The following SGK1 variants were observed in gnomAD, a reference collection of about 807,000 sequenced individuals.
SGK1 encodes the protein serum/glucocorticoid regulated kinase 1, also known as serine/threonine-protein kinase Sgk1.
SGK1 carries 26 observed loss-of-function variants against 64.2 expected under a neutral mutation model. The observed-to-expected ratio is 0.40, with a 90% CI of 0.30 to 0.56. SGK1 has a LOEUF of 0.56. SGK1 is among the 20% of genes least tolerant of loss of function. The pLI is 0.38. For missense variants in SGK1, 519 were observed against 645.6 expected (o/e 0.80, Z 2.12); for synonymous variants, 265 against 239.7 (o/e 1.11, Z -0.98).
chr6:134,241,044 T>C (rs973183713), intron 2 of SGK1, among the ~76,000 whole-genome samples: 5 of 27,518 alleles, frequency 1.8e-4, no homozygotes, highest in African/African-American at 2.8e-4. Flanking sequence ...TCTTTTCTTT[T>C]TTTCTTTTTT....
At chr6:134,274,814 C>CTTTTT (rs1195078572) in intron 1 of SGK1, among the ~76,000 whole-genome samples, 5 of 150,936 alleles carry the variant, frequency 3.3e-5, no homozygotes, top group Admixed American at 2.6e-4. Flanking sequence ...CTTTTCTTTT[C>CTTTTT]TTTTCTTTTG....
Position 134,317,749 on chromosome 6 carries a change from A to G in SGK1, c.-289T>C, listed in dbSNP as rs930697534. The G allele has an allele frequency of 5.9e-5, 20 of 340,840 alleles. No homozygotes were observed. Among genetic ancestry groups the G allele is most frequent in the Admixed American group, 9.3e-5 (2 of 21,424 alleles). 21.1% of individuals were successfully genotyped at this position (340,840 alleles called of 1,614,324 possible). A position where few individuals can be genotyped will look rare whatever the true frequency, so the allele number is the denominator to read the frequency against. On this transcript the variant is annotated 5_prime_UTR_variant, in exon 1 of 14. Transcript: ENST00000367858. ...GGGGCCGGACGGTGGGATACGGCCA[A>G]TCTCCGGGGAGATGCTGTGGCTCTT... is the stretch of plus-strand genomic sequence containing the variant.
intron 3 of SGK1, chr6:134,176,083 C>T: frequency 7.0e-6 from 5 of 715,712 alleles, no homozygotes; most frequent in Non-Finnish European, 8.6e-6. Context: ...CTCTGCCATG[C>T]CAAGAACACG....
intron 1 of SGK1, among the ~76,000 whole-genome samples, chr6:134,276,025 A>G (rs1274534578): frequency 6.6e-6 from 1 of 152,224 alleles, no homozygotes; most frequent in Non-Finnish European, 1.5e-5. Context: ...TATATTCAGT[A>G]GTGGGACATT....
At chr6:134,214,523 G>A (rs901457586) in intron 2 of SGK1, among the ~76,000 whole-genome samples, 18 of 151,866 alleles carry the variant, frequency 1.2e-4, no homozygotes, top group East Asian at 7.7e-4. Context: ...CCTGGGAGGC[G>A]GATGTTGCAG....
At chr6:134,171,313 T>C in intron 11 of SGK1, 135 bp from the exon 12 acceptor site, 1 of 843,194 alleles carries the variant, frequency 1.2e-6, no homozygotes, top group Non-Finnish European at 1.9e-6. Context: ...AATGCTTTCT[T>C]TTCCCTTGCT....
intron 2 of SGK1, among the ~76,000 whole-genome samples, chr6:134,216,844 C>A (rs1349643752): frequency 1.3e-5 from 2 of 152,038 alleles, no homozygotes; most frequent in Non-Finnish European, 1.5e-5. Flanking sequence ...GGTGAGGAGG[C>A]GGTAGAAGGG....
At chr6:134,274,808 T>A (rs1340105279) in intron 1 of SGK1, among the ~76,000 whole-genome samples, 1 of 152,060 alleles carries the variant, frequency 6.6e-6, no homozygotes, top group African/African-American at 2.4e-5. Flanking sequence ...TCTTTTCTTT[T>A]CTTTTCTTTT....
intron 1 of SGK1, among the ~76,000 whole-genome samples, chr6:134,263,363 A>C (rs1202249719): frequency 6.6e-6 from 1 of 151,438 alleles, no homozygotes; most frequent in Non-Finnish European, 1.5e-5. Context: ...CAGCCTCTGG[A>C]GTAGCTGAGA....
At position 134,173,316 on chromosome 6, in the gene SGK1, T is replaced by G. The variant is rs769905610; in HGVS notation, c.660A>C (p.Ala220=). Residue 220 remains alanine (A), a synonymous_variant, in exon 7 of 14, where the codon GCA becomes GCC. Coordinates refer to ENST00000367858, the MANE Select transcript of SGK1 (RefSeq NM_001143676.3). ...TTGCTTTCTTCTGTAAAACTTTGAC[T>G]GCATAGAACACTTCTTCTGCCTTGT... ...ARHKAEEVFY[A]VKVLQKKAIL... is the part of the protein sequence containing the mutation. 1 of 1,613,956 alleles carries G rather than the reference T, an allele frequency of 6.2e-7. No individual in the cohort carries two copies. Among genetic ancestry groups the G allele is most frequent in the South Asian group, 1.1e-5 (1 of 91,070 alleles).
rs563512226 is a variant in SGK1 at position 134,255,548 on chromosome 6, AAAAC to A, written c.285+6381_285+6384del. On this transcript the variant is annotated intron_variant, in intron 2 of 13. Transcript: ENST00000367858. ...GGTGACAGAGTGAGACTCTGTCTCA[AAAAC>A]AAACAAAGGCAAGAGATTTTGATTT... Among the ~76,000 whole-genome samples the A allele has an allele frequency of 4.6e-5, 7 of 151,620 alleles. No individual in the cohort carries two copies. In the South Asian group the frequency reaches 1.5e-3, roughly 32 times the overall value.
intron 2 of SGK1, among the ~76,000 whole-genome samples, chr6:134,208,736 C>T (rs986214626): frequency 9.8e-5 from 14 of 142,600 alleles, no homozygotes; most frequent in African/African-American, 3.6e-4. Flanking sequence ...GGGTAGTATT[C>T]CATGTATGCG....
At chr6:134,259,694 G>A (rs920805740) in intron 2 of SGK1, 1 of 152,162 alleles carries the variant, frequency 6.6e-6, no homozygotes, top group African/African-American at 2.4e-5. Context: ...ATAGAAGTTA[G>A]AGACTGTATT....
At chr6:134,227,610 A>G (rs1776205336) in intron 2 of SGK1, among the ~76,000 whole-genome samples, 1 of 152,234 alleles carries the variant, frequency 6.6e-6, no homozygotes, top group African/African-American at 2.4e-5. Flanking sequence ...AAGGAAAAGC[A>G]TGTTGTCCTA....
chr6:134,215,317 T>C (rs1158345451), intron 2 of SGK1, among the ~76,000 whole-genome samples: 2 of 151,684 alleles, frequency 1.3e-5, no homozygotes, highest in Admixed American at 6.6e-5. Flanking sequence ...GGTTTCACCA[T>C]GTTGGCCAGG....
chr6:134,203,912 G>A (rs753502393), intron 3 of SGK1, among the ~76,000 whole-genome samples: 1 of 151,780 alleles, frequency 6.6e-6, no homozygotes, highest in African/African-American at 2.4e-5. Context: ...AAAAATACAA[G>A]AATTAGCTGG....
intron 1 of SGK1, among the ~76,000 whole-genome samples, chr6:134,314,512 G>T (rs1044230707): frequency 6.6e-6 from 1 of 152,156 alleles, no homozygotes; most frequent in Non-Finnish European, 1.5e-5. Context: ...TGGGCGAATG[G>T]TTTAATCTCT....
chr6:134,204,817 G>A (rs112695189), intron 3 of SGK1, among the ~76,000 whole-genome samples: 259 of 152,260 alleles, frequency 1.7e-3, no homozygotes, highest in African/African-American at 6.0e-3. Context: ...GCCCCCCAAA[G>A]TGCTGGGATT....
chr6:134,174,445 T>G, intron 4 of SGK1, 66 bp downstream of exon 4: 5 of 1,174,460 alleles, frequency 4.3e-6, no homozygotes, highest in Non-Finnish European at 6.3e-6. Flanking sequence ...AACGCCGTGA[T>G]GAGAATGTTT....
Sources: allele counts gnomAD v4.1 joint callset (sites outside exome capture counted in the v4.1 genomes callset), GRCh38; gene constraint gnomAD v4.1.1; transcripts MANE v1.5; gene names NCBI Gene and HGNC (gene_info 2026-07-23, HGNC 2026-07-21).